The following ESRRG variants were observed in gnomAD, a reference collection of about 807,000 sequenced individuals.
The protein encoded by ESRRG is estrogen-related receptor gamma.
A neutral mutation model predicts 44.0 loss-of-function variants in ESRRG; 13 were observed. The observed-to-expected ratio is 0.30, with a 90% CI of 0.19 to 0.47. The LOEUF (loss-of-function observed/expected upper bound fraction) is 0.47. Among genes scored for constraint, ESRRG ranks in the 20% least tolerant of loss-of-function variants. The pLI is 1.00. For missense variants in ESRRG, 395 were observed against 580.6 expected (o/e 0.68, Z 3.29); for synonymous variants, 215 against 214.6 (o/e 1.00, Z -0.02).
At chr1:216,688,385 G>A (rs898121980) in intron 1 of ESRRG, among the ~76,000 whole-genome samples, 4 of 152,136 alleles carry the variant, frequency 2.6e-5, no homozygotes, top group Admixed American at 1.3e-4. Flanking sequence ...GCTTCCATTC[G>A]CAAAGAACCT....
intron 2 of ESRRG, among the ~76,000 whole-genome samples, chr1:216,934,546 T>C (rs1189393591): frequency 1.3e-5 from 2 of 152,104 alleles, no homozygotes; most frequent in Admixed American, 1.3e-4. Context: ...GCAAAAAGCA[T>C]GTCTTACATG....
intron 1 of ESRRG, among the ~76,000 whole-genome samples, chr1:216,686,697 C>T (rs998145954): frequency 6.6e-6 from 1 of 152,098 alleles, no homozygotes; most frequent in African/African-American, 2.4e-5. Flanking sequence ...CCAGGGAGCC[C>T]TGACTTCTTG....
Position 216,561,032 on chromosome 1 carries a change from G to A in ESRRG, c.862+3187C>T, listed in dbSNP as rs182686419. On this transcript the variant is annotated intron_variant, in intron 5 of 6. Coordinates refer to ENST00000408911, the MANE Select transcript of ESRRG (RefSeq NM_001438.4). The stretch of plus-strand genomic sequence containing the variant: ...AAGTCAAGCATTTTCTAAAGCCCTT[G>A]TGATCTTTTTTTCTTCTAGAGATAA... Among the ~76,000 whole-genome samples the A allele has an allele frequency of 3.7e-3, 562 of 152,130 alleles. 2 individuals are homozygous for A. Among genetic ancestry groups the A allele is most frequent in the Non-Finnish European group, 5.6e-3 (379 of 67,984 alleles).
chr1:216,746,818 G>T (rs1299606389), intron 2 of ESRRG, among the ~76,000 whole-genome samples: 1 of 152,138 alleles, frequency 6.6e-6, no homozygotes, highest in African/African-American at 2.4e-5. Context: ...CTGTTCATCA[G>T]ATAAATGAAG....
rs1435781753 is a variant in ESRRG, at chr1:216,561,548, C to T, written c.862+2671G>A. On this transcript the variant is annotated intron_variant, in intron 5 of 6. Transcript: ENST00000408911. The stretch of plus-strand genomic sequence containing the variant: ...GGCAGAAATGTGACTTTTATCTTTA[C>T]TTTCTCCAGCCTTTACTTCCCTGTC... Among the ~76,000 whole-genome samples, 4 of 152,200 alleles carry T rather than the reference C, an allele frequency of 2.6e-5. No homozygotes were observed. The East Asian group carries it at 7.7e-4, about 29-fold the overall frequency.
chr1:216,535,044 C>T (rs901677723), intron 5 of ESRRG, among the ~76,000 whole-genome samples: 2 of 152,048 alleles, frequency 1.3e-5, no homozygotes, highest in Non-Finnish European at 2.9e-5. Context: ...TGATGACTGA[C>T]AGAGAGTTAG....
chr1:216,624,816 T>C (rs892078214), intron 3 of ESRRG, among the ~76,000 whole-genome samples: 1 of 152,188 alleles, frequency 6.6e-6, no homozygotes, highest in Non-Finnish European at 1.5e-5. Flanking sequence ...TGAATATAAG[T>C]TCAGTACTTA....
At position 216,989,769 on chromosome 1, in the gene ESRRG, C is replaced by CTTCT. The variant is rs1421668342; in HGVS notation, c.-105-50100_-105-50097dup. Among the ~76,000 whole-genome samples the CTTCT allele has an allele frequency of 2.0e-5, 3 of 152,098 alleles. No individual in the cohort carries two copies. The East Asian group carries it at 5.8e-4, about 29-fold the overall frequency. ...GGCAATATGACTTGGTTTCCATGGGCTTCTACCTATGGCTTAGCAATAGGT... is the reference window on the plus strand; with the variant it reads ...GGCAATATGACTTGGTTTCCATGGGCTTCTTTCTACCTATGGCTTAGCAATAGGT... On this transcript the variant is annotated intron_variant, in intron 1 of 7. Transcript: ENST00000359162.
At chr1:216,535,615 T>C (rs542405980) in intron 5 of ESRRG, among the ~76,000 whole-genome samples, 2 of 152,160 alleles carry the variant, frequency 1.3e-5, no homozygotes, top group Non-Finnish European at 2.9e-5. Flanking sequence ...AGGCCTTTCC[T>C]ATGTTCTCAA....
At chr1:216,808,239 T>C (rs1451672248) in intron 2 of ESRRG, among the ~76,000 whole-genome samples, 1 of 152,086 alleles carries the variant, frequency 6.6e-6, no homozygotes, top group Non-Finnish European at 1.5e-5. Context: ...TTGGTTGCTA[T>C]TATATTACTG....
At chr1:216,781,143 T>C (rs1559615998) in intron 2 of ESRRG, among the ~76,000 whole-genome samples, 1 of 152,014 alleles carries the variant, frequency 6.6e-6, no homozygotes, top group African/African-American at 2.4e-5. Flanking sequence ...TAGAAGATGA[T>C]AGTATATATT....
At chr1:216,587,300 T>C (rs1308548168) in intron 3 of ESRRG, among the ~76,000 whole-genome samples, 1 of 152,202 alleles carries the variant, frequency 6.6e-6, no homozygotes, top group Non-Finnish European at 1.5e-5. Context: ...TTACAGTATG[T>C]GCCCACTCTG....
upstream of ESRRG, among the ~76,000 whole-genome samples, chr1:217,093,974 C>T (rs1468535780): frequency 6.6e-6 from 1 of 152,054 alleles, no homozygotes; most frequent in Non-Finnish European, 1.5e-5. Flanking sequence ...CCTCAAACTC[C>T]TGGGCTCAAG....
chr1:217,019,072 G>A (rs2079885221), intron 1 of ESRRG, among the ~76,000 whole-genome samples: 1 of 152,148 alleles, frequency 6.6e-6, no homozygotes, highest in African/African-American at 2.4e-5. Flanking sequence ...TAACTTTAAA[G>A]TTGGAGAAAA....
chr1:217,093,699 G>T (rs1257535763), upstream of ESRRG, among the ~76,000 whole-genome samples: 1 of 151,644 alleles, frequency 6.6e-6, no homozygotes, highest in East Asian at 1.9e-4. Flanking sequence ...CAAGAGGATT[G>T]CTTGAGCCCC....
At chr1:216,802,846 A>C (rs1206769623) in intron 2 of ESRRG, among the ~76,000 whole-genome samples, 1 of 152,170 alleles carries the variant, frequency 6.6e-6, no homozygotes, top group East Asian at 1.9e-4. Context: ...ATCCCCACTT[A>C]TAGATTATAA....
At chr1:217,032,287 A>T (rs865947381) in intron 1 of ESRRG, among the ~76,000 whole-genome samples, 1 of 152,078 alleles carries the variant, frequency 6.6e-6, no homozygotes, top group Non-Finnish European at 1.5e-5. Flanking sequence ...CTTTCATTTT[A>T]TGATTTTGGA....
intron 1 of ESRRG, among the ~76,000 whole-genome samples, chr1:217,103,142 G>GTTT (rs1173469519): frequency 0.022 from 3,413 of 152,246 alleles, 130 homozygotes; most frequent in African/African-American, 0.078. Context: ...AGAAAGCACA[G>GTTT]AGTTTTTACA....
At chr1:216,529,218 A>T (rs2048552063) in intron 5 of ESRRG, among the ~76,000 whole-genome samples, 1 of 152,154 alleles carries the variant, frequency 6.6e-6, no homozygotes, top group Admixed American at 6.6e-5. Context: ...ATCTAAAAGA[A>T]ATCAGGTGGG....
Sources: allele counts gnomAD v4.1 joint callset (sites outside exome capture counted in the v4.1 genomes callset), GRCh38; gene constraint gnomAD v4.1.1; transcripts MANE v1.5; gene names NCBI Gene and HGNC (gene_info 2026-07-23, HGNC 2026-07-21).